Variants in ARPIN observed in about 807,000 individuals in gnomAD.
ARPIN encodes the protein actin related protein 2/3 complex inhibitor.
ARPIN carries 23 observed loss-of-function variants against 25.9 expected under a neutral mutation model. The observed-to-expected ratio is 0.89, with a 90% CI of 0.64 to 1.26. The LOEUF (loss-of-function observed/expected upper bound fraction) is 1.26, where lower values mean the gene tolerates loss of function less well. Among genes scored for constraint, ARPIN ranks in the 50% most tolerant of loss-of-function variants. The pLI is 0.00. For synonymous variants in ARPIN, 126 were observed against 131.4 expected, an observed-to-expected ratio of 0.96 and a Z score of 0.28; for missense variants, 333 against 312.2, an observed-to-expected ratio of 1.07 and a Z score of -0.50.
At position 89,902,977 on chromosome 15, in the gene ARPIN, TG is replaced by T. The variant is rs1897047534; in HGVS notation, c.672+238del. The T allele has an allele frequency of 2.7e-5, 39 of 1,426,770 alleles. No individual in the cohort carries two copies. In the South Asian group the frequency reaches 4.9e-4, roughly 18 times the overall value. 88.4% of individuals were successfully genotyped at this position (1,426,770 alleles called of 1,614,324 possible). On this transcript the variant is annotated intron_variant, in intron 5 of 5. Transcript: ENST00000357484. Reference sequence around the variant, plus strand: ...TCTGCACCCCCTCCTTCCTACCACTTGGGAATCTTTGGGGAATAGTTAGGTT... The same window carrying T: ...TCTGCACCCCCTCCTTCCTACCACTTGGAATCTTTGGGGAATAGTTAGGTT...
rs373703993 is a variant in ARPIN, at chr15:89,903,488, C to T, written c.509-109G>A. On this transcript the variant is annotated intron_variant, in intron 4 of 5. Coordinates refer to ENST00000357484, the MANE Select transcript of ARPIN (RefSeq NM_182616.4). The stretch of plus-strand genomic sequence containing the variant: ...TAGGCCTGGGTTAAACCACTGTTTT[C>T]TCCAGGCATAGATGTGGTCAATGAG... 38 of 1,539,184 alleles carry T rather than the reference C, an allele frequency of 2.5e-5. 1 individual carries two copies. The East Asian group carries it at 2.5e-4, about 10-fold the overall frequency.
At chr15:89,912,497 G>T in intron 1 of ARPIN, 1 of 1,284,932 alleles carries the variant, frequency 7.8e-7, no homozygotes, top group South Asian at 2.3e-5. Flanking sequence ...TCTGGGGGTC[G>T]GGACCCTCTC....
intron 1 of ARPIN, chr15:89,912,113 G>T: frequency 2.4e-6 from 2 of 835,940 alleles, no homozygotes; most frequent in Non-Finnish European, 2.9e-6. Context: ...GAACCACAGC[G>T]CCTGGTCTGT....
In ARPIN at chr15:89,903,375, T is replaced by C; in HGVS notation, c.513A>G (p.Ser171=). ...CTGTTCCAGCCTCAAGTTTGGCCAA[T>C]GAATCTGAAAGAAGAGATGAAATTG... ...KTRGDGPFLD[S]LAKLEAGTVT... is the part of the protein sequence containing the mutation. Residue 171 remains serine, a synonymous_variant, in exon 5 of 6, where the codon TCA becomes TCG. Transcript: ENST00000357484. 1 of 1,614,186 alleles carries C rather than the reference T, an allele frequency of 6.2e-7. No homozygotes were observed. Among genetic ancestry groups the C allele is most frequent in the African/African-American group, 1.3e-5 (1 of 75,046 alleles).
In ARPIN at chr15:89,898,964, A is replaced by T. The variant is rs532060931; in HGVS notation, c.*2831T>A. ...CAAAATCAGGGGCTTTGGCCTCACC[A>T]TCTGCCCATGCAGATGCCTATGCCA... On this transcript the variant is annotated 3_prime_UTR_variant, in exon 6 of 6. Transcript: ENST00000357484. 6.6e-6 allele frequency: 1 copy of T among 152,338 alleles called. No homozygotes were observed. The highest frequency in any genetic ancestry group is 1.9e-4 in the East Asian group (1 of 5,178). The allele number at this position is 152,338 out of a possible 1,614,324, so 9.4% of individuals were successfully genotyped here. A position where few individuals can be genotyped will look rare whatever the true frequency, so the allele number is the denominator to read the frequency against.
At chr15:89,912,058 T>G (rs1897233281) in intron 1 of ARPIN, 1 of 359,512 alleles carries the variant, frequency 2.8e-6, no homozygotes, top group Non-Finnish European at 3.9e-6. Context: ...TAACCTCAAG[T>G]GATCCACCCG....
chr15:89,912,802 T>G lies in ARPIN; in HGVS notation c.34A>C (p.Asn12His), dbSNP rs1172552679. Residue 12 changes from asparagine (N) to histidine (H), a missense_variant, in exon 1 of 6, where the codon AAC becomes CAC. Physicochemically the swap from Asn to His is moderately conservative, Grantham distance 68. Transcript: ENST00000357484. ...AGCCGGACGCTCTGCACCGCCTTGT[T>G]CCGGAGCGCGCCGTCGTGGTAGATG... ...SRIYHDGALR[N>H]KAVQSVRLPG... 2 of 1,527,112 alleles carry G rather than the reference T, an allele frequency of 1.3e-6. No individual in the cohort carries two copies. Among genetic ancestry groups the G allele is most frequent in the Non-Finnish European group, 1.8e-6 (2 of 1,141,636 alleles). The allele number at this position is 1,527,112 out of a possible 1,614,324, so 94.6% of individuals were successfully genotyped here. A position where few individuals can be genotyped will look rare whatever the true frequency, so the allele number is the denominator to read the frequency against.
At chr15:89,910,895 C>A in intron 1 of ARPIN, 76 bp from the exon 2 acceptor site, 1 of 1,258,066 alleles carries the variant, frequency 7.9e-7, no homozygotes, top group Non-Finnish European at 1.1e-6. Flanking sequence ...TCCTATTTAC[C>A]CAGCCCTGAG....
At chr15:89,901,871 A>G in intron 5 of ARPIN, 68 bp from the exon 6 acceptor site, 1 of 1,581,198 alleles carries the variant, frequency 6.3e-7, no homozygotes, top group Non-Finnish European at 8.7e-7. Context: ...GCAAGTTATC[A>G]GACAAACAAG....
chr15:89,911,029 C>G (rs370227249), intron 1 of ARPIN, among the ~76,000 whole-genome samples: 1 of 152,162 alleles, frequency 6.6e-6, no homozygotes, highest in Non-Finnish European at 1.5e-5. Context: ...TAAGATCAAG[C>G]TATGGCCCCC....
At position 89,912,794 on chromosome 15, in the gene ARPIN, C is replaced by T; in HGVS notation, c.42G>A (p.Ala14=). The T allele has an allele frequency of 1.3e-6, 2 of 1,521,846 alleles. No homozygotes were observed. The highest frequency in any genetic ancestry group is 2.5e-5 in the South Asian group (2 of 81,490). The allele number at this position is 1,521,846 out of a possible 1,614,324, so 94.3% of individuals were successfully genotyped here. A position where few individuals can be genotyped will look rare whatever the true frequency, so the allele number is the denominator to read the frequency against. The change falls in exon 1 of 6, where the codon GCG becomes GCA. Residue 14 remains alanine (A), a synonymous_variant. Coordinates refer to ENST00000357484, the MANE Select transcript of ARPIN (RefSeq NM_182616.4). ...CCCCTGGCAGCCGGACGCTCTGCAC[C>T]GCCTTGTTCCGGAGCGCGCCGTCGT... ...IYHDGALRNK[A]VQSVRLPGAW...
Position 89,901,458 on chromosome 15 carries a change from C to T in ARPIN, c.*337G>A, listed in dbSNP as rs1897019372. On this transcript the variant is annotated 3_prime_UTR_variant, in exon 6 of 6. Coordinates refer to ENST00000357484, the MANE Select transcript of ARPIN (RefSeq NM_182616.4). ...CCTTGGGAGGTGGAGGGGGGTGGATCGCTTGAGTCCAGGAGTTTGAGATCA... is the reference window on the plus strand; with the variant it reads ...CCTTGGGAGGTGGAGGGGGGTGGATTGCTTGAGTCCAGGAGTTTGAGATCA... 3 of 308,336 alleles carry T rather than the reference C, an allele frequency of 9.7e-6. No individual in the cohort carries two copies. The highest frequency in any genetic ancestry group is 2.2e-5 in the African/African-American group (1 of 45,768). The allele number at this position is 308,336 out of a possible 1,614,324, so 19.1% of individuals were successfully genotyped here.
chr15:89,903,192 A>G (rs757433889), intron 5 of ARPIN, 24 bp downstream of exon 5: 1 of 1,614,136 alleles, frequency 6.2e-7, no homozygotes, highest in Non-Finnish European at 8.5e-7. Context: ...AGGAGATACA[A>G]CTGCACCAAC....
At chr15:89,912,279 G>A in intron 1 of ARPIN, 1 of 994,418 alleles carries the variant, frequency 1.0e-6, no homozygotes, top group Non-Finnish European at 1.2e-6. Flanking sequence ...TGACGACAGG[G>A]CCTGGCCCTC....
At chr15:89,908,440 G>A in intron 2 of ARPIN, 28 bp from the exon 3 acceptor site, 1 of 1,612,396 alleles carries the variant, frequency 6.2e-7, no homozygotes, top group Non-Finnish European at 8.5e-7. Flanking sequence ...GAGAGTGAGG[G>A]GGCGGCTTCA....
chr15:89,901,965 T>C (rs950823686), intron 5 of ARPIN, among the ~76,000 whole-genome samples, 162 bp from the exon 6 acceptor site: 3 of 152,218 alleles, frequency 2.0e-5, no homozygotes, highest in Admixed American at 2.0e-4. Flanking sequence ...CCAACAGCTC[T>C]TGGACTGTTT....
chr15:89,912,765 C>A lies in ARPIN; in HGVS notation c.71G>T (p.Trp24Leu), dbSNP rs190982112. The change falls in exon 1 of 6, where the codon TGG (tryptophan) becomes TTG (leucine). Residue 24 changes from tryptophan (W) to leucine (L), a missense_variant. Physicochemically the swap from Trp to Leu is moderately conservative, Grantham distance 61 (BLOSUM62 -2). Coordinates refer to ENST00000357484, the MANE Select transcript of ARPIN (RefSeq NM_182616.4). ...AVQSVRLPGA[W>L]DPAAHQGGNG... ...CTACCCCTGGTGGGCGGCGGGGTCC[C>A]AGGCCCCTGGCAGCCGGACGCTCTG... The A allele has an allele frequency of 1.4e-6, 2 of 1,435,620 alleles. No individual in the cohort carries two copies. Among genetic ancestry groups the A allele is most frequent in the African/African-American group, 1.5e-5 (1 of 66,620 alleles). The allele number at this position is 1,435,620 out of a possible 1,614,324, so 88.9% of individuals were successfully genotyped here.
chr15:89,901,832 T>C, intron 5 of ARPIN, 29 bp from the exon 6 acceptor site: 1 of 1,613,368 alleles, frequency 6.2e-7, no homozygotes, highest in Non-Finnish European at 8.5e-7. Flanking sequence ...TAAAGAGATG[T>C]GGAGACAGCA....
In ARPIN at chr15:89,903,374, A is replaced by G. The variant is rs780025973; in HGVS notation, c.514T>C (p.Leu172=). The G allele has an allele frequency of 3.0e-5, 49 of 1,614,098 alleles. No homozygotes were observed. Among genetic ancestry groups the G allele is most frequent in the Non-Finnish European group, 3.6e-5 (43 of 1,180,036 alleles). ...ACTGTTCCAGCCTCAAGTTTGGCCA[A>G]TGAATCTGAAAGAAGAGATGAAATT... ...TRGDGPFLDS[L]AKLEAGTVTK... The change falls in exon 5 of 6, where the codon TTG becomes CTG. Residue 172 remains leucine (L), a synonymous_variant. Transcript: ENST00000357484.
Sources: gnomAD v4.1 joint callset for allele counts (sites outside exome capture counted in the v4.1 genomes callset) on GRCh38, gnomAD v4.1.1 for gene constraint, MANE v1.5 for transcripts, NCBI Gene and HGNC (gene_info 2026-07-23, HGNC 2026-07-21) for gene names.